KNL1: variants seen among roughly 807,000 people sequenced by gnomAD.
KNL1 encodes the protein kinetochore scaffold 1.
In KNL1, 66 loss-of-function variants were observed where a neutral mutation model predicts 201.3. That is an observed-to-expected ratio of 0.33 (90% CI 0.27 to 0.40). KNL1 has a LOEUF of 0.40. KNL1 is among the 10% of genes least tolerant of loss of function. KNL1 has a pLI of 1.00. For synonymous variants in KNL1, 895 were observed against 899.2 expected (o/e 1.00, Z 0.08); for missense variants, 2,815 against 2,690.5 (o/e 1.05, Z -1.02).
chr15:40,658,929 CA>C (rs752685228), intron 24 of KNL1, among the ~76,000 whole-genome samples: 110 of 76,392 alleles, frequency 1.4e-3, no homozygotes, highest in Non-Finnish European at 1.5e-3. Flanking sequence ...GACTCCATCT[CA>C]AAAAAAAAAA....
At chr15:40,649,180 A>G (rs187102992) in intron 17 of KNL1, among the ~76,000 whole-genome samples, 3,941 of 151,722 alleles carry the variant, frequency 0.026, 56 homozygotes, top group South Asian at 0.055. Flanking sequence ...AAAAAAAAAA[A>G]GTCCAAACTT....
chr15:40,654,905 C>G lies in KNL1; in HGVS notation c.6416-4C>G. ...TTAAAAATCATTATTCTGGTTCTTT[C>G]TAGTTGGTTTCCCTTTCCTGGACAA... On this transcript the variant is annotated splice_polypyrimidine_tract_variant and splice_region_variant and intron_variant, in intron 21 of 25. Coordinates refer to ENST00000399668, the MANE Select transcript of KNL1 (RefSeq NM_144508.5). 1.2e-6 allele frequency: 2 copies of G among 1,608,878 alleles called. No homozygotes were observed. Among genetic ancestry groups the G allele is most frequent in the Non-Finnish European group, 1.7e-6 (2 of 1,176,830 alleles).
chr15:40,647,101 A>G, intron 17 of KNL1, 27 bp downstream of exon 17: 1 of 1,132,454 alleles, frequency 8.8e-7, no homozygotes, highest in African/African-American at 1.5e-5. Flanking sequence ...ACTTTTCCAA[A>G]AGAAAATTTA....
At chr15:40,636,349 T>C (rs373746733) in intron 13 of KNL1, among the ~76,000 whole-genome samples, 85 of 152,374 alleles carry the variant, frequency 5.6e-4, no homozygotes, top group African/African-American at 1.9e-3. Context: ...GAGCCTAATA[T>C]TCACTGGCAC....
rs531546124 is a variant in KNL1, at chr15:40,628,607, C to G, written c.5516-4C>G. The G allele has an allele frequency of 1.1e-5, 18 of 1,594,962 alleles. No individual in the cohort carries two copies. The African/African-American group carries it at 1.5e-4, about 13-fold the overall frequency. On this transcript the variant is annotated splice_polypyrimidine_tract_variant and splice_region_variant and intron_variant, in intron 11 of 25. Transcript: ENST00000399668. ...TTCGTCACCAGAATTTGCTTTACTT[C>G]TAGCTTACCGCAGTAGTCAAATGGA... is the stretch of plus-strand genomic sequence containing the variant.
intron 1 of KNL1, among the ~76,000 whole-genome samples, chr15:40,602,479 C>CGTTTTTTTTTT (rs1566998543): frequency 9.6e-6 from 1 of 104,188 alleles, no homozygotes; most frequent in African/African-American, 3.5e-5. Context: ...TTTTTTCCTT[C>CGTTTTTTTTTT]CTTTTTTTTT....
chr15:40,612,130 A>G (rs1892184520), intron 7 of KNL1, among the ~76,000 whole-genome samples: 1 of 152,156 alleles, frequency 6.6e-6, no homozygotes. Flanking sequence ...ATCCTGGCCA[A>G]CGTGGTGAAA....
chr15:40,623,415 C>G lies in KNL1; in HGVS notation c.3151C>G (p.Pro1051Ala). Residue 1051 changes from proline (P) to alanine (A), a missense_variant, in exon 10 of 26, where the codon CCT (proline) becomes GCT (alanine). Transcript: ENST00000399668. ...TCKNIKDVQS[P>A]GFLNEPLSSK... ...CAAAAACATCAAAGATGTACAAAGT[C>G]CTGGATTTCTGAATGAACCTCTATC... 3.7e-6 allele frequency: 6 copies of G among 1,613,646 alleles called. No homozygotes were observed. Among genetic ancestry groups the G allele is most frequent in the Non-Finnish European group, 5.1e-6 (6 of 1,179,866 alleles).
Position 40,625,531 on chromosome 15 carries a change from C to T in KNL1, c.5267C>T (p.Thr1756Ile), listed in dbSNP as rs776056708. The T allele has an allele frequency of 5.6e-6, 9 of 1,609,282 alleles. No homozygotes were observed. Among genetic ancestry groups the T allele is most frequent in the Non-Finnish European group, 5.9e-6 (7 of 1,178,872 alleles). ...CCATATGAAAATAAAATGGGAAAAACTTGCAATAGCCAAAAAAGAACGTGG... is the reference window on the plus strand; with the variant it reads ...CCATATGAAAATAAAATGGGAAAAATTTGCAATAGCCAAAAAAGAACGTGG... ...ISPYENKMGKTCNSQKRTWVQ... is the reference protein window; with the variant it reads ...ISPYENKMGKICNSQKRTWVQ... Residue 1756 changes from threonine to isoleucine, a missense_variant, in exon 10 of 26, where the codon ACT becomes ATT. Physicochemically the swap from Thr to Ile is moderately conservative, Grantham distance 89 (BLOSUM62 -1). Coordinates refer to ENST00000399668, the MANE Select transcript of KNL1 (RefSeq NM_144508.5).
intron 13 of KNL1, among the ~76,000 whole-genome samples, chr15:40,637,747 ATAT>A (rs1306052898): frequency 3.3e-5 from 5 of 152,200 alleles, no homozygotes; most frequent in East Asian, 1.9e-4. Context: ...ATTATTTAAA[ATAT>A]TATATGAAAT....
rs1197121014 is a variant in KNL1 at position 40,622,886 on chromosome 15, C to A, written c.2622C>A (p.Ile874=). The A allele has an allele frequency of 4.3e-6, 7 of 1,612,224 alleles. No individual in the cohort carries two copies. The highest frequency in any genetic ancestry group is 5.1e-6 in the Non-Finnish European group (6 of 1,178,676). ...AAGACGATAAGAATGATATGGATATCACTAAGAGTTATACAATAGAAATAA... is the reference window on the plus strand; with the variant it reads ...AAGACGATAAGAATGATATGGATATAACTAAGAGTTATACAATAGAAATAA... ...FSEDDKNDMD[I]TKSYTIEINH... Residue 874 remains isoleucine, a synonymous_variant, in exon 10 of 26, where the codon ATC becomes ATA. Transcript: ENST00000399668.
At chr15:40,607,277 T>G (rs1892007335) in intron 4 of KNL1, among the ~76,000 whole-genome samples, 1 of 152,248 alleles carries the variant, frequency 6.6e-6, no homozygotes, top group Non-Finnish European at 1.5e-5. Flanking sequence ...CACATGCGTG[T>G]GAAAACCCAA....
intron 17 of KNL1, 47 bp from the exon 18 acceptor site, chr15:40,650,254 T>G (rs1567020739): frequency 1.7e-6 from 2 of 1,177,262 alleles, no homozygotes; most frequent in Non-Finnish European, 2.5e-6. Flanking sequence ...GTTTTCTTTT[T>G]TTACTATTTT....
chr15:40,606,623 G>A (rs547859704), intron 4 of KNL1, among the ~76,000 whole-genome samples, 171 bp downstream of exon 4: 2 of 152,096 alleles, frequency 1.3e-5, no homozygotes, highest in East Asian at 3.9e-4. Context: ...TCTAGGAATG[G>A]CATCTCCCTC....
At position 40,650,305 on chromosome 15, in the gene KNL1, T is replaced by C. The variant is rs1382301869; in HGVS notation, c.6099T>C (p.Thr2033=). 3.1e-6 allele frequency: 5 copies of C among 1,600,652 alleles called. No individual in the cohort carries two copies. In the South Asian group the frequency reaches 3.3e-5, roughly 11 times the overall value. ...DNCLTEMETE[T]KNLEDEEKNN... is the part of the protein sequence containing the mutation. ...AACAAATACTGTCTACTTTAGAAACTAAGAATTTGGAGGATGAAGAGAAAA... is the reference window on the plus strand; with the variant it reads ...AACAAATACTGTCTACTTTAGAAACCAAGAATTTGGAGGATGAAGAGAAAA... Residue 2033 remains threonine, a synonymous_variant, in exon 18 of 26, where the codon ACT becomes ACC. Transcript: ENST00000399668.
Position 40,650,391 on chromosome 15 carries a change from G to A in KNL1, c.6172+13G>A. ...GCTGCAGAAAAAGGTAATTGAATTA[G>A]TTAAGGAGATAAATGGGTGTGGGGG... On this transcript the variant is annotated intron_variant, in intron 18 of 25. Transcript: ENST00000399668. 1.2e-6 allele frequency: 2 copies of A among 1,603,552 alleles called. No individual in the cohort carries two copies. Among genetic ancestry groups the A allele is most frequent in the East Asian group, 2.2e-5 (1 of 44,778 alleles).
intron 1 of KNL1, among the ~76,000 whole-genome samples, chr15:40,598,195 A>G (rs922266514): frequency 2.0e-5 from 3 of 150,458 alleles, no homozygotes; most frequent in Admixed American, 6.7e-5. Context: ...AAAGAAAAAG[A>G]AAAAAAAAGA....
In KNL1 at chr15:40,662,188, G is replaced by C; in HGVS notation, c.6951G>C (p.Ter2317TyrextTer54). The change falls in exon 26 of 26, where the codon TAG becomes TAC. Residue 2317 changes from the stop codon to tyrosine, a stop_lost. Transcript: ENST00000399668. ...TTCAGGACTGCCATTTCTACCACTA[G>C]ACCCTTGGACCACCATTGGAACAAC... Reference protein sequence around the residue: ...DLFQDCHFYH* With the variant: ...DLFQDCHFYHY The C allele has an allele frequency of 1.3e-6, 2 of 1,506,692 alleles. No homozygotes were observed. Among genetic ancestry groups the C allele is most frequent in the Non-Finnish European group, 1.8e-6 (2 of 1,082,894 alleles). The allele number at this position is 1,506,692 out of a possible 1,614,324, so 93.3% of individuals were successfully genotyped here.
chr15:40,615,774 T>C (rs546534730), intron 8 of KNL1: 97 of 151,896 alleles, frequency 6.4e-4, no homozygotes, highest in Middle Eastern at 3.3e-3. Flanking sequence ...TTTTTTTTTT[T>C]TTTCTTTTTG....
Sources: gnomAD v4.1 joint callset for allele counts (sites outside exome capture counted in the v4.1 genomes callset) on GRCh38, gnomAD v4.1.1 for gene constraint, MANE v1.5 for transcripts, NCBI Gene and HGNC (gene_info 2026-07-23, HGNC 2026-07-21) for gene names.